The following QARS1 variants were observed in gnomAD, a reference collection of about 807,000 sequenced individuals.
QARS1 encodes glutaminyl-tRNA synthetase 1, also known as glutamine--tRNA ligase.
In QARS1, 79 loss-of-function variants were observed where a neutral mutation model predicts 106.9. The ratio of observed to expected loss-of-function variants is 0.74; its 90% CI spans 0.62 to 0.89. QARS1 has a LOEUF of 0.89. Among genes scored for constraint, QARS1 ranks in the 40% least tolerant of loss-of-function variants. The probability of loss-of-function intolerance (pLI) is 0.00; values close to 1 mark genes in which losing one functional copy is unlikely to be tolerated. For missense variants in QARS1, 966 were observed against 997.2 expected, an observed-to-expected ratio of 0.97 and a Z score of 0.42; for synonymous variants, 395 against 367.7, an observed-to-expected ratio of 1.07 and a Z score of -0.85.
At chr3:49,104,295 C>A (rs776895191) in intron 2 of QARS1, 29 bp downstream of exon 2, 10 of 1,611,046 alleles carry the variant, frequency 6.2e-6, no homozygotes, top group South Asian at 3.3e-5. Context: ...GGCATTGGTG[C>A]GAACTGGCAG....
Position 49,098,137 on chromosome 3 carries a change from G to T in QARS1, c.2152-20C>A, listed in dbSNP as rs2107095137. The T allele has an allele frequency of 2.5e-6, 4 of 1,614,144 alleles. No homozygotes were observed. The highest frequency in any genetic ancestry group is 3.4e-6 in the Non-Finnish European group (4 of 1,180,026). ...TGATGCCTGCAGGCAGGGAACTCAGGCAACCATCCAACCAGGGAGGCCTAC... is the reference window on the plus strand; with the variant it reads ...TGATGCCTGCAGGCAGGGAACTCAGTCAACCATCCAACCAGGGAGGCCTAC... On this transcript the variant is annotated intron_variant, in intron 22 of 23. Transcript: ENST00000306125.
chr3:49,101,243 C>T (rs2042466431), intron 10 of QARS1, 112 bp downstream of exon 10: 1 of 829,366 alleles, frequency 1.2e-6, no homozygotes, highest in African/African-American at 1.7e-5. Flanking sequence ...TCCATGGCCT[C>T]TGCCCACCTG....
rs774065684 is a variant in QARS1 at position 49,103,625 on chromosome 3, G to C, written c.451+6C>G. On this transcript the variant is annotated splice_donor_region_variant and intron_variant, in intron 4 of 23. Transcript: ENST00000306125. ...ACAATATAGCCCCGTTCCAGGCCCTGCTCACCCATCAGCAGCCCCATGTTG... is the reference window on the plus strand; with the variant it reads ...ACAATATAGCCCCGTTCCAGGCCCTCCTCACCCATCAGCAGCCCCATGTTG... 1.2e-6 allele frequency: 2 copies of C among 1,613,018 alleles called. No individual in the cohort carries two copies. The highest frequency in any genetic ancestry group is 2.2e-5 in the South Asian group (2 of 90,882).
At chr3:49,103,515 C>G in intron 4 of QARS1, 106 bp from the exon 5 acceptor site, 1 of 1,564,656 alleles carries the variant, frequency 6.4e-7, no homozygotes, top group Non-Finnish European at 8.8e-7. Flanking sequence ...GAGCCTGAGC[C>G]CAGCCAGACC....
chr3:49,099,747 C>T lies in QARS1; in HGVS notation c.1388+14G>A. The T allele has an allele frequency of 6.2e-7, 1 of 1,613,806 alleles. No individual in the cohort carries two copies. Among genetic ancestry groups the T allele is most frequent in the South Asian group, 1.1e-5 (1 of 91,078 alleles). ...TCCACTGGCCCTACCACCCCATGGA[C>T]CCAGCTCCCTCACCGGGCCTGGAAT... is the stretch of plus-strand genomic sequence containing the variant. On this transcript the variant is annotated intron_variant, in intron 15 of 23. Transcript: ENST00000306125.
intron 21 of QARS1, 31 bp from the exon 22 acceptor site, chr3:49,098,289 C>A (rs376994371): frequency 1.2e-6 from 2 of 1,614,228 alleles, no homozygotes; most frequent in Non-Finnish European, 1.7e-6. Flanking sequence ...ATACCCCCAG[C>A]TGGGCAGCCA....
At chr3:49,097,624 A>C (rs866227012) in intron 23 of QARS1, among the ~76,000 whole-genome samples, 31 of 151,806 alleles carry the variant, frequency 2.0e-4, no homozygotes, top group Non-Finnish European at 1.3e-4. Context: ...GTGAAACCCC[A>C]TCTCTACTAA....
At chr3:49,100,990 C>A (rs2042463081) in intron 10 of QARS1, among the ~76,000 whole-genome samples, 1 of 152,200 alleles carries the variant, frequency 6.6e-6, no homozygotes, top group South Asian at 2.1e-4. Flanking sequence ...GATCCACCCA[C>A]TTTAGCCTCC....
Position 49,099,724 on chromosome 3 carries a change from C to T in QARS1, c.1388+37G>A, listed in dbSNP as rs770057044. On this transcript the variant is annotated intron_variant, in intron 15 of 23. Transcript: ENST00000306125. The stretch of plus-strand genomic sequence containing the variant: ...ACCACAGGAAGGGCTGCTGGAATTC[C>T]ACTGGCCCTACCACCCCATGGACCC... 4.3e-6 allele frequency: 7 copies of T among 1,613,654 alleles called. No homozygotes were observed. In the South Asian group the frequency reaches 7.7e-5, roughly 18 times the overall value.
Position 49,098,925 on chromosome 3 carries a change from A to G in QARS1, c.1823T>C (p.Phe608Ser). 6.2e-7 allele frequency: 1 copy of G among 1,614,084 alleles called. No homozygotes were observed. The highest frequency in any genetic ancestry group is 8.5e-7 in the Non-Finnish European group (1 of 1,179,976). The change falls in exon 19 of 24, where the codon TTT becomes TCT. Residue 608 changes from phenylalanine to serine, a missense_variant. By Grantham distance (155) the Phe-to-Ser change is radical. Coordinates refer to ENST00000306125, the MANE Select transcript of QARS1 (RefSeq NM_005051.3). ...DETKGFHQVP[F>S]APIVFIERTD... ...CCTCTCAATGAAGACAATGGGTGCAAAGGGAACCTGATGGAAGCCTTTGGT... is the reference window on the plus strand; with the variant it reads ...CCTCTCAATGAAGACAATGGGTGCAGAGGGAACCTGATGGAAGCCTTTGGT...
chr3:49,103,031 T>C (rs368827488), intron 5 of QARS1, among the ~76,000 whole-genome samples: 15 of 152,026 alleles, frequency 9.9e-5, no homozygotes, highest in Non-Finnish European at 1.5e-4. Flanking sequence ...AATCAGAGCT[T>C]ACTGCAGCCT....
Position 49,100,424 on chromosome 3 carries a change from G to A in QARS1, c.1011C>T (p.Asp337=). 5 of 1,614,222 alleles carry A rather than the reference G, an allele frequency of 3.1e-6. No homozygotes were observed. Among genetic ancestry groups the A allele is most frequent in the Admixed American group, 1.7e-5 (1 of 60,030 alleles). Residue 337 remains aspartate, a synonymous_variant, in exon 12 of 24, where the codon GAC becomes GAT. Transcript: ENST00000306125. ...YTPYKVTYAS[D]YFDQLYAWAV... ...CCCACGCATATAGCTGGTCAAAATAGTCAGACGCATATGTGACTTTGTAAG... is the reference window on the plus strand; with the variant it reads ...CCCACGCATATAGCTGGTCAAAATAATCAGACGCATATGTGACTTTGTAAG...
Position 49,099,853 on chromosome 3 carries a change from C to T in QARS1, c.1296G>A (p.Trp432Ter). 2 of 1,611,250 alleles carry T rather than the reference C, an allele frequency of 1.2e-6. No individual in the cohort carries two copies. The highest frequency in any genetic ancestry group is 8.5e-7 in the Non-Finnish European group (1 of 1,178,986). ...YTPHHRTGDK[W>*]CIYPTYDYTH... Reference sequence around the variant, plus strand: ...TGTAGTCGTAGGTGGGATAGATGCACCTGTGGGGCATAGGCAGTGGGCCCT... The same window carrying T: ...TGTAGTCGTAGGTGGGATAGATGCATCTGTGGGGCATAGGCAGTGGGCCCT... Residue 432 changes from tryptophan to a stop codon, truncating the protein, a stop_gained and splice_region_variant, in exon 15 of 24, where the codon TGG becomes TGA. Coordinates refer to ENST00000306125, the MANE Select transcript of QARS1 (RefSeq NM_005051.3). LOFTEE classifies it high-confidence loss of function.
chr3:49,098,733 G>C (rs1156935283), intron 19 of QARS1, 41 bp from the exon 20 acceptor site: 2 of 1,545,202 alleles, frequency 1.3e-6, no homozygotes, highest in African/African-American at 1.4e-5. Context: ...GGCTGCAAGG[G>C]TCAAACAAGT....
Position 49,099,645 on chromosome 3 carries a change from C to T in QARS1, c.1391G>A (p.Arg464His), listed in dbSNP as rs549522450. 6.2e-7 allele frequency: 1 copy of T among 1,613,982 alleles called. No homozygotes were observed. Among genetic ancestry groups the T allele is most frequent in the South Asian group, 1.1e-5 (1 of 91,082 alleles). ...ATTGCAAAGCCAGAAGTAGGAAGAG[C>T]GTCTGGGGTGGGAGAGTAGGGTTAG... ...SLCTKEFQARRSSYFWLCNAL... is the reference protein window; with the variant it reads ...SLCTKEFQARHSSYFWLCNAL... Residue 464 changes from arginine (R) to histidine (H), a missense_variant and splice_region_variant, in exon 16 of 24, where the codon CGC (arginine) becomes CAC (histidine). By Grantham distance (29) the Arg-to-His change is conservative. Coordinates refer to ENST00000306125, the MANE Select transcript of QARS1 (RefSeq NM_005051.3).
In QARS1 at chr3:49,103,612, C is replaced by T. The variant is rs369141824; in HGVS notation, c.451+19G>A. 601 of 1,611,070 alleles carry T rather than the reference C, an allele frequency of 3.7e-4. 1 individual carries two copies. Among genetic ancestry groups the T allele is most frequent in the Non-Finnish European group, 4.5e-4 (536 of 1,178,490 alleles). ...ATGACCAGAGAGAACAATATAGCCC[C>T]GTTCCAGGCCCTGCTCACCCATCAG... is the stretch of plus-strand genomic sequence containing the variant. On this transcript the variant is annotated intron_variant, in intron 4 of 23. Coordinates refer to ENST00000306125, the MANE Select transcript of QARS1 (RefSeq NM_005051.3).
intron 10 of QARS1, 62 bp downstream of exon 10, chr3:49,101,293 T>C: frequency 7.8e-7 from 1 of 1,283,406 alleles, no homozygotes; most frequent in Non-Finnish European, 1.1e-6. Context: ...AGGGATATGG[T>C]ATCCACTCAT....
chr3:49,098,120 G>A lies in QARS1; in HGVS notation c.2152-3C>T, dbSNP rs777985472. 1.9e-6 allele frequency: 3 copies of A among 1,614,208 alleles called. No individual in the cohort carries two copies. The highest frequency in any genetic ancestry group is 2.5e-6 in the Non-Finnish European group (3 of 1,180,042). On this transcript the variant is annotated splice_region_variant and splice_polypyrimidine_tract_variant and intron_variant, in intron 22 of 23. Transcript: ENST00000306125. Reference sequence around the variant, plus strand: ...GCATCCACCACGTGTAGTGATGCCTGCAGGCAGGGAACTCAGGCAACCATC... The same window carrying A: ...GCATCCACCACGTGTAGTGATGCCTACAGGCAGGGAACTCAGGCAACCATC...
intron 5 of QARS1, 134 bp from the exon 6 acceptor site, chr3:49,102,606 C>T: frequency 1.2e-6 from 1 of 860,270 alleles, no homozygotes; most frequent in Non-Finnish European, 1.9e-6. Context: ...TAGCCCATCC[C>T]ATCTCTTCTC....
Sources: gnomAD v4.1 joint callset for allele counts (sites outside exome capture counted in the v4.1 genomes callset) on GRCh38, gnomAD v4.1.1 for gene constraint, MANE v1.5 for transcripts, NCBI Gene and HGNC (gene_info 2026-07-23, HGNC 2026-07-21) for gene names.